Variants in SEMA3D observed in about 807,000 individuals in gnomAD.
SEMA3D encodes the protein semaphorin-3D.
SEMA3D carries 84 observed loss-of-function variants against 100.1 expected under a neutral mutation model. The ratio of observed to expected loss-of-function variants is 0.84; its 90% CI spans 0.70 to 1.01. SEMA3D has a LOEUF of 1.01. Ranked by LOEUF, SEMA3D falls within the 50% of genes least tolerant of loss-of-function variation. SEMA3D has a pLI of 0.00. For synonymous variants in SEMA3D, 312 were observed against 320.7 expected, an observed-to-expected ratio of 0.97 and a Z score of 0.29; for missense variants, 875 against 934.1, an observed-to-expected ratio of 0.94 and a Z score of 0.82.
chr7:85,097,441 A>C (rs1788594943), intron 4 of SEMA3D, among the ~76,000 whole-genome samples: 1 of 151,894 alleles, frequency 6.6e-6, no homozygotes, highest in Non-Finnish European at 1.5e-5. Flanking sequence ...TTAATTTTAC[A>C]ACTATTGTTA....
At chr7:85,028,253 T>A in intron 12 of SEMA3D, 4 of 694,072 alleles carry the variant, frequency 5.8e-6, no homozygotes, top group South Asian at 4.5e-5. Flanking sequence ...ACCAATGCTG[T>A]GGTCACAGTG....
At chr7:85,026,891 C>T (rs896748552) in intron 12 of SEMA3D, among the ~76,000 whole-genome samples, 2 of 151,992 alleles carry the variant, frequency 1.3e-5, no homozygotes, top group Non-Finnish European at 2.9e-5. Flanking sequence ...CTTGTGGAAT[C>T]CATGGTTACC....
At chr7:85,006,724 A>G (rs1001787314) in intron 18 of SEMA3D, 78 bp downstream of exon 18, 21 of 1,175,138 alleles carry the variant, frequency 1.8e-5, no homozygotes, top group Admixed American at 2.5e-5. Flanking sequence ...AGAGTAGCAT[A>G]CAGAATTAAA....
Position 85,091,904 on chromosome 7 carries a change from G to A in SEMA3D, c.312+5901C>T, listed in dbSNP as rs562259887. 2.6e-5 allele frequency among the ~76,000 whole-genome samples: 4 copies of A among 152,114 alleles called. No homozygotes were observed. The South Asian group carries it at 8.3e-4, about 32-fold the overall frequency. On this transcript the variant is annotated intron_variant, in intron 4 of 18. Coordinates refer to ENST00000284136, the MANE Select transcript of SEMA3D (RefSeq NM_001384900.1). ...CAGGAGATAGAGTAGGATGTTAAGG[G>A]CTGGGGCAGGAAAATGCAGCTCCCT... is the stretch of plus-strand genomic sequence containing the variant.
At chr7:85,007,862 C>A (rs955631985) in intron 17 of SEMA3D, among the ~76,000 whole-genome samples, 3 of 151,798 alleles carry the variant, frequency 2.0e-5, no homozygotes, top group African/African-American at 4.8e-5. Flanking sequence ...TAAACCTAAG[C>A]ATACAAATGA....
At chr7:85,183,115 T>C (rs994593372) in intron 1 of SEMA3D, among the ~76,000 whole-genome samples, 9 of 152,102 alleles carry the variant, frequency 5.9e-5, no homozygotes, top group South Asian at 2.1e-4. Flanking sequence ...CCCCTTGAGA[T>C]TGAGAATTTG....
chr7:85,109,241 A>G (rs1169558678), intron 3 of SEMA3D, among the ~76,000 whole-genome samples: 1 of 151,986 alleles, frequency 6.6e-6, no homozygotes, highest in Non-Finnish European at 1.5e-5. Context: ...CAGAAAGACA[A>G]TTAATTATTC....
At chr7:85,025,186 C>A (rs1019138399) in intron 12 of SEMA3D, among the ~76,000 whole-genome samples, 1 of 151,948 alleles carries the variant, frequency 6.6e-6, no homozygotes, top group Non-Finnish European at 1.5e-5. Context: ...TCTTAATTTG[C>A]CAGATTAGCT....
intron 2 of SEMA3D, among the ~76,000 whole-genome samples, chr7:85,134,354 T>C (rs1583955661): frequency 6.6e-6 from 1 of 152,000 alleles, no homozygotes; most frequent in East Asian, 1.9e-4. Context: ...CAACCTAAAG[T>C]TATTTTTGAA....
At chr7:85,238,217 C>T in the SEMA3D span, among the ~76,000 whole-genome samples, 3 of 152,108 alleles carry the variant, frequency 2.0e-5, no homozygotes, top group Non-Finnish European at 4.4e-5. Context: ...TGGTAAAGTA[C>T]AGCTTATCAC....
At chr7:85,131,855 T>C (rs1583953692) in intron 2 of SEMA3D, among the ~76,000 whole-genome samples, 2 of 151,864 alleles carry the variant, frequency 1.3e-5, no homozygotes, top group Admixed American at 6.6e-5. Context: ...ACTAGTATAG[T>C]ATGGTTTAAA....
the SEMA3D span, among the ~76,000 whole-genome samples, chr7:85,223,618 GTTGGACGGAC>G: frequency 5.1e-4 from 78 of 151,930 alleles, no homozygotes; most frequent in African/African-American, 1.8e-3. Flanking sequence ...TTAACAGCAA[GTTGGACGGAC>G]TTGGAGATGG....
chr7:85,221,295 A>G, the SEMA3D span, among the ~76,000 whole-genome samples: 1 of 152,138 alleles, frequency 6.6e-6, no homozygotes, highest in Non-Finnish European at 1.5e-5. Context: ...TAGGGGAAAT[A>G]GAGATTTAGG....
intron 12 of SEMA3D, chr7:85,027,697 T>G (rs989574699): frequency 6.9e-6 from 2 of 290,114 alleles, no homozygotes; most frequent in African/African-American, 4.5e-5. Flanking sequence ...TTTTTGATGT[T>G]TTATGCGGCT....
chr7:85,144,584 T>A lies in SEMA3D; in HGVS notation c.-41+9024A>T, dbSNP rs968486778. ...ACAACCATCAGGATTTCCGTGAGGA[T>A]CTTTATCAGGGTTTCTAAGAATTTA... On this transcript the variant is annotated intron_variant, in intron 2 of 18. Coordinates refer to ENST00000284136, the MANE Select transcript of SEMA3D (RefSeq NM_001384900.1). The A allele has an allele frequency of 6.3e-5, 62 of 985,032 alleles. No individual in the cohort carries two copies. The African/African-American group carries it at 9.6e-4, about 15-fold the overall frequency. The allele number at this position is 985,032 out of a possible 1,614,324, so 61.0% of individuals were successfully genotyped here.
chr7:85,034,979 A>G lies in SEMA3D; in HGVS notation c.1191+1910T>C, dbSNP rs183243966. On this transcript the variant is annotated intron_variant, in intron 12 of 18. Coordinates refer to ENST00000284136, the MANE Select transcript of SEMA3D (RefSeq NM_001384900.1). ...AATCCTACTTCAGGATATTTATCTA[A>G]AACAATTGAAATTAAGATATCAAAG... Among the ~76,000 whole-genome samples the G allele has an allele frequency of 2.7e-3, 409 of 152,168 alleles. 4 individuals are homozygous for G. The highest frequency in any genetic ancestry group is 2.5e-3 in the South Asian group (12 of 4,830).
At chr7:85,004,306 T>C (rs1357233802) in intron 18 of SEMA3D, among the ~76,000 whole-genome samples, 1 of 152,102 alleles carries the variant, frequency 6.6e-6, no homozygotes, top group Admixed American at 6.6e-5. Flanking sequence ...ATATTGCTTT[T>C]AGAATAAAAA....
intron 3 of SEMA3D, among the ~76,000 whole-genome samples, chr7:85,105,610 T>C (rs1384173331): frequency 6.6e-6 from 1 of 152,096 alleles, no homozygotes; most frequent in East Asian, 1.9e-4. Flanking sequence ...GTGAATATTA[T>C]GTTATTATTA....
Position 85,073,077 on chromosome 7 carries a change from T to C in SEMA3D, c.380A>G (p.Glu127Gly). The C allele has an allele frequency of 6.2e-7, 1 of 1,612,364 alleles. No homozygotes were observed. Among genetic ancestry groups the C allele is most frequent in the South Asian group, 1.1e-5 (1 of 90,616 alleles). ...AAGTACTCTGATGAAATTTGCACAT[T>C]CTGTCTGTTGGGCACAAAAATTAAA... ...CKLAGKDANT[E>G]CANFIRVLQP... The change falls in exon 6 of 19, where the codon GAA becomes GGA. Residue 127 changes from glutamate to glycine, a missense_variant. Glu to Gly is a moderately conservative substitution (Grantham distance 98). Coordinates refer to ENST00000284136, the MANE Select transcript of SEMA3D (RefSeq NM_001384900.1).
Sources: gnomAD v4.1 joint callset for allele counts (sites outside exome capture counted in the v4.1 genomes callset) on GRCh38, gnomAD v4.1.1 for gene constraint, MANE v1.5 for transcripts, NCBI Gene and HGNC (gene_info 2026-07-23, HGNC 2026-07-21) for gene names.